Variants in GSE1 observed in about 807,000 individuals in gnomAD.
GSE1 encodes Gse1 coiled-coil protein.
GSE1 carries 32 observed loss-of-function variants against 112.6 expected under a neutral mutation model. The observed-to-expected ratio is 0.28, with a 90% CI of 0.21 to 0.38. GSE1 has a LOEUF of 0.38. GSE1 is among the 10% of genes least tolerant of loss of function. GSE1 has a pLI of 1.00. For missense variants in GSE1, 2,348 were observed against 1,699.2 expected (o/e 1.38, Z -6.71); for synonymous variants, 1,115 against 735.6 (o/e 1.52, Z -8.35).
intron 1 of GSE1, among the ~76,000 whole-genome samples, chr16:85,177,284 G>A (rs906194908): frequency 6.6e-6 from 1 of 152,244 alleles, no homozygotes; most frequent in African/African-American, 2.4e-5. Context: ...TCTGCTGGGA[G>A]TGTCTTTGGA....
At position 85,656,581 on chromosome 16, in the gene GSE1, C is replaced by A. The variant is rs1179508405; in HGVS notation, c.1228C>A (p.Pro410Thr). The part of the protein sequence containing the change: ...AAKALEPSFL[P>T]VAELHGLRGH... ...CAAGGCCCTGGAGCCCAGCTTCCTGCCCGTGGCCGAGCTGCATGGGCTGCG... is the reference window on the plus strand; with the variant it reads ...CAAGGCCCTGGAGCCCAGCTTCCTGACCGTGGCCGAGCTGCATGGGCTGCG... Residue 410 changes from proline (P) to threonine (T), a missense_variant, in exon 7 of 16, where the codon CCC (proline) becomes ACC (threonine). By Grantham distance (38) the Pro-to-Thr change is conservative (BLOSUM62 -1). Coordinates refer to ENST00000253458, the MANE Select transcript of GSE1 (RefSeq NM_014615.5). 6 of 1,547,486 alleles carry A rather than the reference C, an allele frequency of 3.9e-6. No individual in the cohort carries two copies. The highest frequency in any genetic ancestry group is 1.9e-4 in the Middle Eastern group (1 of 5,212).
intron 2 of GSE1, among the ~76,000 whole-genome samples, chr16:85,394,096 C>A (rs544180254): frequency 1.3e-5 from 2 of 152,122 alleles, no homozygotes; most frequent in Admixed American, 6.5e-5. Context: ...GGGTTGTTGA[C>A]CCCCTGGGAG....
intron 2 of GSE1, among the ~76,000 whole-genome samples, chr16:85,538,503 G>A (rs1196148770): frequency 2.0e-5 from 3 of 152,188 alleles, no homozygotes; most frequent in Non-Finnish European, 4.4e-5. Flanking sequence ...CCGTCTTGTC[G>A]CCGGCCCCAT....
intron 1 of GSE1, among the ~76,000 whole-genome samples, chr16:85,193,154 A>G (rs2074859081): frequency 6.6e-6 from 1 of 152,178 alleles, no homozygotes; most frequent in Non-Finnish European, 1.5e-5. Flanking sequence ...CTTCATCAAA[A>G]GAATAAGAAA....
intron 1 of GSE1, among the ~76,000 whole-genome samples, chr16:85,574,398 G>T (rs970229536): frequency 2.0e-5 from 3 of 152,124 alleles, no homozygotes; most frequent in Admixed American, 1.3e-4. Context: ...CTTGACACCC[G>T]GCTGGGTCTT....
chr16:85,510,407 C>T (rs530411988), intron 2 of GSE1, among the ~76,000 whole-genome samples: 6 of 149,302 alleles, frequency 4.0e-5, no homozygotes, highest in South Asian at 2.1e-4. Flanking sequence ...CCCGAGCGTG[C>T]GTGTGTGTGT....
upstream of GSE1, among the ~76,000 whole-genome samples, chr16:85,553,515 G>T (rs1477018699): frequency 2.0e-5 from 3 of 151,926 alleles, no homozygotes; most frequent in Admixed American, 6.6e-5. Flanking sequence ...GCCCGCGTGC[G>T]CTAGGCCGCC....
chr16:85,174,559 T>C (rs2074422694), intron 1 of GSE1, among the ~76,000 whole-genome samples: 1 of 152,192 alleles, frequency 6.6e-6, no homozygotes, highest in Non-Finnish European at 1.5e-5. Context: ...CAACAAATAT[T>C]TATGGAGCGC....
chr16:85,590,735 C>T (rs1334760992), intron 1 of GSE1, among the ~76,000 whole-genome samples: 1 of 152,104 alleles, frequency 6.6e-6, no homozygotes, highest in Non-Finnish European at 1.5e-5. Context: ...GCATGTGTGG[C>T]GGGCCCTTTG....
At chr16:85,486,509 G>A (rs1567528202) in intron 2 of GSE1, among the ~76,000 whole-genome samples, 1 of 152,236 alleles carries the variant, frequency 6.6e-6, no homozygotes, top group Non-Finnish European at 1.5e-5. Flanking sequence ...TCCGTTCGGG[G>A]GTGGCATGTC....
chr16:85,671,847 T>C (rs1381404275), intron 15 of GSE1: 1 of 158,312 alleles, frequency 6.3e-6, no homozygotes, highest in Non-Finnish European at 1.4e-5. Context: ...GCAGATGTCC[T>C]TGGGGGGCAG....
At chr16:85,361,651 C>T (rs1196794294) in intron 2 of GSE1, among the ~76,000 whole-genome samples, 3 of 152,218 alleles carry the variant, frequency 2.0e-5, no homozygotes, top group South Asian at 2.1e-4. Context: ...ACCCCCACTT[C>T]CCTGGAAATG....
intron 1 of GSE1, among the ~76,000 whole-genome samples, chr16:85,586,286 C>T (rs960560655): frequency 6.6e-5 from 10 of 152,212 alleles, no homozygotes; most frequent in African/African-American, 1.9e-4. Flanking sequence ...AGGACTTCAG[C>T]GTAAGAATTT....
intron 8 of GSE1, chr16:85,659,719 T>G (rs2052276070): frequency 6.6e-6 from 1 of 152,176 alleles, no homozygotes; most frequent in Non-Finnish European, 1.5e-5. Context: ...GCCCTGTGAG[T>G]AGATTAAATC....
chr16:85,523,869 G>T (rs989755878), intron 2 of GSE1, among the ~76,000 whole-genome samples: 1 of 152,260 alleles, frequency 6.6e-6, no homozygotes, highest in Admixed American at 6.5e-5. Context: ...GGGCAGTGCT[G>T]CGGGAGGCGG....
chr16:85,418,213 T>G (rs1318333621), intron 2 of GSE1, among the ~76,000 whole-genome samples: 3 of 152,204 alleles, frequency 2.0e-5, no homozygotes, highest in African/African-American at 7.2e-5. Context: ...GGAGGCAGGT[T>G]GGGGAAATGT....
intron 1 of GSE1, among the ~76,000 whole-genome samples, chr16:85,205,316 G>C (rs1056795057): frequency 6.6e-6 from 1 of 152,066 alleles, no homozygotes; most frequent in Non-Finnish European, 1.5e-5. Flanking sequence ...ATTTTTGGTA[G>C]AGACGGGGTT....
intron 1 of GSE1, among the ~76,000 whole-genome samples, chr16:85,626,768 A>T (rs2049102448): frequency 6.6e-6 from 1 of 151,806 alleles, no homozygotes; most frequent in South Asian, 2.1e-4. Flanking sequence ...TAATTACGGG[A>T]TCCGCGGGAG....
intron 1 of GSE1, among the ~76,000 whole-genome samples, chr16:85,236,432 G>T (rs564711227): frequency 6.6e-6 from 1 of 152,262 alleles, no homozygotes; most frequent in African/African-American, 2.4e-5. Context: ...AAAACTCTGA[G>T]ACTTGGGGTC....
Sources: gnomAD v4.1 joint callset for allele counts (sites outside exome capture counted in the v4.1 genomes callset) on GRCh38, gnomAD v4.1.1 for gene constraint, MANE v1.5 for transcripts, NCBI Gene and HGNC (gene_info 2026-07-23, HGNC 2026-07-21) for gene names.